The following VRK2 variants were observed in gnomAD, a reference collection of about 807,000 sequenced individuals.
The protein encoded by VRK2 is serine/threonine-protein kinase VRK2.
VRK2 carries 60 observed loss-of-function variants against 57.6 expected under a neutral mutation model. The observed-to-expected ratio is 1.04, with a 90% CI of 0.85 to 1.29. The LOEUF is 1.29. VRK2 is among the 50% of genes most tolerant of loss of function. The pLI is 0.00. For missense variants in VRK2, 705 were observed against 588.1 expected (o/e 1.20, Z -2.06); for synonymous variants, 231 against 199.2 (o/e 1.16, Z -1.35).
At chr2:58,036,285 A>G (rs551099118) in intron 3 of VRK2, among the ~76,000 whole-genome samples, 2 of 152,080 alleles carry the variant, frequency 1.3e-5, no homozygotes, top group South Asian at 4.1e-4. Context: ...TGGGCTTTCT[A>G]TATTGCAAAA....
chr2:58,131,967 G>C (rs749145044), intron 9 of VRK2, 39 bp downstream of exon 9: 2 of 1,610,954 alleles, frequency 1.2e-6, no homozygotes, highest in Non-Finnish European at 1.7e-6. Flanking sequence ...ACTGCACCAG[G>C]TCTGAAGGGA....
chr2:58,089,767 A>G, intron 7 of VRK2, 44 bp downstream of exon 7: 1 of 1,351,932 alleles, frequency 7.4e-7, no homozygotes, highest in Non-Finnish European at 1.0e-6. Flanking sequence ...TTAATGTATG[A>G]AACTGAAACA....
chr2:58,043,526 A>G (rs1332217911), upstream of VRK2, among the ~76,000 whole-genome samples: 1 of 152,002 alleles, frequency 6.6e-6, no homozygotes, highest in Admixed American at 6.6e-5. Context: ...TTTACATAGC[A>G]TTGTGTTTTT....
chr2:58,123,690 C>T (rs1045996174), intron 8 of VRK2, among the ~76,000 whole-genome samples: 38 of 151,780 alleles, frequency 2.5e-4, no homozygotes, highest in African/African-American at 9.0e-4. Context: ...GGTGAAACCC[C>T]ATCTCTACAA....
chr2:58,144,846 T>G (rs1279509273), intron 11 of VRK2, among the ~76,000 whole-genome samples: 1 of 151,946 alleles, frequency 6.6e-6, no homozygotes, highest in Non-Finnish European at 1.5e-5. Flanking sequence ...TGGAGGAGGG[T>G]AGAATAGAGT....
chr2:58,021,855 G>A (rs1019395982), intron 1 of VRK2, among the ~76,000 whole-genome samples: 2 of 152,132 alleles, frequency 1.3e-5, no homozygotes, highest in African/African-American at 4.8e-5. Flanking sequence ...GAAAGAAATT[G>A]TTCAAGTTCC....
intron 1 of VRK2, among the ~76,000 whole-genome samples, chr2:57,917,839 G>A (rs778045175): frequency 7.2e-5 from 11 of 151,856 alleles, no homozygotes; most frequent in Non-Finnish European, 1.6e-4. Context: ...ATATGATAAA[G>A]TTTTCTTTAT....
At chr2:58,150,691 A>G (rs1274203662) in intron 12 of VRK2, among the ~76,000 whole-genome samples, 1 of 145,088 alleles carries the variant, frequency 6.9e-6, no homozygotes, top group African/African-American at 2.5e-5. Flanking sequence ...CATTTAATTT[A>G]TTCTTTCAAG....
intron 7 of VRK2, among the ~76,000 whole-genome samples, chr2:58,098,930 A>AAGAG (rs1673549349): frequency 2.0e-5 from 3 of 152,086 alleles, no homozygotes; most frequent in Non-Finnish European, 4.4e-5. Flanking sequence ...ATAGGTAGGT[A>AAGAG]GATATTATCC....
chr2:58,029,205 T>G (rs559054675), intron 2 of VRK2, among the ~76,000 whole-genome samples: 1 of 152,062 alleles, frequency 6.6e-6, no homozygotes, highest in Non-Finnish European at 1.5e-5. Context: ...CTATTTGTAT[T>G]ATGAATGAAA....
chr2:57,947,786 A>T lies in VRK2; in HGVS notation c.-439+39947A>T, dbSNP rs1404720694. On this transcript the variant is annotated intron_variant, in intron 1 of 15. Transcript: ENST00000417641. ...CTAACAAAACTTTTCACTGGCATTG[A>T]GAGTCAAGTCAGAACCTTCTATATT... Among the ~76,000 whole-genome samples, 3 of 152,178 alleles carry T rather than the reference A, an allele frequency of 2.0e-5. No homozygotes were observed. The East Asian group carries it at 5.8e-4, about 29-fold the overall frequency.
chr2:58,126,014 A>C (rs1240285098), intron 8 of VRK2, among the ~76,000 whole-genome samples: 1 of 152,136 alleles, frequency 6.6e-6, no homozygotes, highest in Non-Finnish European at 1.5e-5. Flanking sequence ...AGGAAAATGC[A>C]GGTCAGATTC....
intron 1 of VRK2, among the ~76,000 whole-genome samples, chr2:57,909,274 A>T (rs1307600721): frequency 2.0e-5 from 3 of 152,212 alleles, no homozygotes; most frequent in Non-Finnish European, 4.4e-5. Flanking sequence ...ATATTTTAGG[A>T]AGCATTTTAT....
At chr2:58,036,320 A>G (rs933934341) in intron 3 of VRK2, among the ~76,000 whole-genome samples, 5 of 152,012 alleles carry the variant, frequency 3.3e-5, no homozygotes, top group Non-Finnish European at 7.4e-5. Context: ...CCTTTAAACT[A>G]TAAAGTATCT....
upstream of VRK2, among the ~76,000 whole-genome samples, chr2:58,044,565 C>A (rs529707617): frequency 6.6e-6 from 1 of 152,220 alleles, no homozygotes; most frequent in Admixed American, 6.5e-5. Context: ...TGCTGTATAG[C>A]AGTAGGTACT....
chr2:58,154,534 T>C (rs1683501541), intron 12 of VRK2, among the ~76,000 whole-genome samples: 1 of 152,108 alleles, frequency 6.6e-6, no homozygotes, highest in Non-Finnish European at 1.5e-5. Flanking sequence ...CTAGTACAAA[T>C]ATTTAGTATT....
intron 10 of VRK2, among the ~76,000 whole-genome samples, 156 bp downstream of exon 10, chr2:58,135,355 A>C (rs755274094): frequency 1.3e-5 from 2 of 152,142 alleles, no homozygotes; most frequent in African/African-American, 2.4e-5. Context: ...GCTAAAGAAC[A>C]CAATGTTTAA....
intron 12 of VRK2, among the ~76,000 whole-genome samples, chr2:58,153,569 C>T (rs1330281251): frequency 1.3e-5 from 2 of 151,988 alleles, no homozygotes; most frequent in Admixed American, 6.6e-5. Flanking sequence ...AACCCCACTT[C>T]GTCATTTTAT....
chr2:58,091,223 G>A (rs935489799), intron 7 of VRK2, among the ~76,000 whole-genome samples: 2 of 152,088 alleles, frequency 1.3e-5, no homozygotes, highest in African/African-American at 4.8e-5. Flanking sequence ...TGGATGATAA[G>A]GATTGTCATT....
Sources: gnomAD v4.1 joint callset for allele counts (sites outside exome capture counted in the v4.1 genomes callset) on GRCh38, gnomAD v4.1.1 for gene constraint, MANE v1.5 for transcripts, NCBI Gene and HGNC (gene_info 2026-07-23, HGNC 2026-07-21) for gene names.